The following ADGRL3 variants were observed in gnomAD, a reference collection of about 807,000 sequenced individuals.
ADGRL3 encodes calcium-independent alpha-latrotoxin receptor 3.
Under a neutral mutation model 153.5 loss-of-function variants are expected in ADGRL3, and 62 were observed. That is an observed-to-expected ratio of 0.40 (90% confidence interval 0.33 to 0.50). The LOEUF is 0.50. Among genes scored for constraint, ADGRL3 ranks in the 20% least tolerant of loss-of-function variants. The pLI, the probability that ADGRL3 is intolerant of heterozygous loss-of-function variation, is 0.47. For synonymous variants in ADGRL3, 710 were observed against 672.5 expected (o/e 1.06, Z -0.86); for missense variants, 1,641 against 1,859.4 (o/e 0.88, Z 2.16).
At chr4:61,784,567 G>A (rs1258452410) in intron 8 of ADGRL3, among the ~76,000 whole-genome samples, 1 of 152,126 alleles carries the variant, frequency 6.6e-6, no homozygotes, top group Non-Finnish European at 1.5e-5. Context: ...GGTATGGGGT[G>A]TGAAAGATGA....
chr4:61,855,626 C>A (rs767207395), intron 9 of ADGRL3, among the ~76,000 whole-genome samples: 5 of 152,010 alleles, frequency 3.3e-5, no homozygotes, highest in African/African-American at 1.2e-4. Context: ...TATCAGCATG[C>A]TGTTGACAGG....
chr4:62,030,295 A>G (rs978785880), intron 22 of ADGRL3, among the ~76,000 whole-genome samples: 2 of 151,620 alleles, frequency 1.3e-5, no homozygotes, highest in Non-Finnish European at 3.0e-5. Context: ...ATCCCTGTAA[A>G]TATATCTTCC....
At chr4:61,528,348 G>A (rs1169544326) in intron 4 of ADGRL3, among the ~76,000 whole-genome samples, 1 of 151,914 alleles carries the variant, frequency 6.6e-6, no homozygotes, top group Non-Finnish European at 1.5e-5. Context: ...CTGGAGGTTG[G>A]AATATGACAA....
chr4:61,221,232 A>G (rs1192191067), intron 1 of ADGRL3, among the ~76,000 whole-genome samples: 1 of 152,204 alleles, frequency 6.6e-6, no homozygotes, highest in Non-Finnish European at 1.5e-5. Flanking sequence ...ATTGGATATT[A>G]TGAGAAAAAC....
intron 6 of ADGRL3, among the ~76,000 whole-genome samples, chr4:61,714,104 C>G (rs2096058274): frequency 6.6e-6 from 1 of 152,038 alleles, no homozygotes. Context: ...ACTTTTCACT[C>G]TCAGCTGCAT....
chr4:62,032,296 T>C (rs1349329085), intron 23 of ADGRL3, among the ~76,000 whole-genome samples: 2 of 151,412 alleles, frequency 1.3e-5, no homozygotes, highest in Non-Finnish European at 3.0e-5. Flanking sequence ...ATTTTCAAAG[T>C]TAATTTTAAA....
intron 9 of ADGRL3, among the ~76,000 whole-genome samples, chr4:61,890,707 G>T (rs1231743491): frequency 1.3e-5 from 2 of 152,174 alleles, no homozygotes; most frequent in African/African-American, 4.8e-5. Context: ...TGGGGATGAA[G>T]TTTCTAACAC....
intron 15 of ADGRL3, among the ~76,000 whole-genome samples, chr4:61,936,781 T>TACACACAC (rs71666904): frequency 0.017 from 2,324 of 138,768 alleles, 37 homozygotes; most frequent in South Asian, 0.031. Context: ...TACATATGCA[T>TACACACAC]ACACACACAC....
At chr4:61,470,076 A>T (rs1304151878) in intron 2 of ADGRL3, among the ~76,000 whole-genome samples, 1 of 152,042 alleles carries the variant, frequency 6.6e-6, no homozygotes, top group Non-Finnish European at 1.5e-5. Context: ...GTAACTTTTT[A>T]AAATTATCCA....
At chr4:62,017,440 GTT>G (rs762736392) in intron 21 of ADGRL3, among the ~76,000 whole-genome samples, 4 of 141,718 alleles carry the variant, frequency 2.8e-5, no homozygotes, top group Admixed American at 7.1e-5. Flanking sequence ...TTACTTGGGA[GTT>G]TTTTTTTTTT....
chr4:61,245,534 G>T (rs1490719761), intron 1 of ADGRL3, among the ~76,000 whole-genome samples: 1 of 151,966 alleles, frequency 6.6e-6, no homozygotes, highest in African/African-American at 2.4e-5. Flanking sequence ...TGTCATTATT[G>T]TTTATGCCTT....
At chr4:61,752,382 T>G (rs1315240976) in intron 8 of ADGRL3, among the ~76,000 whole-genome samples, 2 of 151,594 alleles carry the variant, frequency 1.3e-5, no homozygotes, top group Non-Finnish European at 2.9e-5. Context: ...TTATATTGCC[T>G]AATAAGCATA....
At chr4:61,341,112 A>G (rs73825121) in intron 1 of ADGRL3, among the ~76,000 whole-genome samples, 4,977 of 152,082 alleles carry the variant, frequency 0.033, 165 homozygotes, top group African/African-American at 0.081. Context: ...ACACACACAC[A>G]TTTACCTATC....
intron 13 of ADGRL3, among the ~76,000 whole-genome samples, chr4:61,914,681 T>G (rs1056861868): frequency 6.6e-6 from 1 of 152,140 alleles, no homozygotes; most frequent in African/African-American, 2.4e-5. Flanking sequence ...GCCTTTCCAA[T>G]GATCTGAATA....
chr4:61,455,477 C>G (rs976774075), intron 2 of ADGRL3, among the ~76,000 whole-genome samples: 16 of 152,026 alleles, frequency 1.1e-4, no homozygotes, highest in Non-Finnish European at 2.2e-4. Context: ...AAGAAGTTTC[C>G]TCAGAATTAG....
intron 2 of ADGRL3, among the ~76,000 whole-genome samples, chr4:61,394,267 A>G (rs992931740): frequency 6.6e-6 from 1 of 152,056 alleles, no homozygotes; most frequent in African/African-American, 2.4e-5. Flanking sequence ...TGTGTTTAGT[A>G]GGGACCTAAG....
intron 13 of ADGRL3, 29 bp downstream of exon 13, chr4:61,912,786 A>G (rs1268712770): frequency 6.2e-7 from 1 of 1,603,050 alleles, no homozygotes; most frequent in Admixed American, 1.7e-5. Context: ...TAAATGTGTT[A>G]AGTTGTTGAA....
At chr4:61,902,762 A>G (rs1160450122) in intron 11 of ADGRL3, among the ~76,000 whole-genome samples, 4 of 152,132 alleles carry the variant, frequency 2.6e-5, no homozygotes, top group Admixed American at 2.6e-4. Flanking sequence ...TCTTCCTCAG[A>G]GAAGCATTTC....
chr4:61,375,968 T>C, intron 1 of ADGRL3, among the ~76,000 whole-genome samples: 1 of 152,144 alleles, frequency 6.6e-6, no homozygotes, highest in Admixed American at 6.5e-5. Context: ...TTGAACAATA[T>C]TTATTAATAA....
Sources: gnomAD v4.1 joint callset for allele counts (sites outside exome capture counted in the v4.1 genomes callset) on GRCh38, gnomAD v4.1.1 for gene constraint, MANE v1.5 for transcripts, NCBI Gene and HGNC (gene_info 2026-07-23, HGNC 2026-07-21) for gene names.